NDUFS7: variants seen among roughly 807,000 people sequenced by gnomAD.
The protein encoded by NDUFS7 is NADH dehydrogenase [ubiquinone] iron-sulfur protein 7, mitochondrial.
In NDUFS7, 11 loss-of-function variants were observed where a neutral mutation model predicts 31.1. That is an observed-to-expected ratio of 0.35 (90% confidence interval 0.22 to 0.59). The LOEUF (loss-of-function observed/expected upper bound fraction) is 0.59, where lower values mean the gene tolerates loss of function less well. NDUFS7 is among the 20% of genes least tolerant of loss of function. The pLI is 0.79. For missense variants in NDUFS7, 263 were observed against 324.2 expected (o/e 0.81, Z 1.45); for synonymous variants, 136 against 127.9 (o/e 1.06, Z -0.43).
chr19:1,384,008 CGTGGTGGCGTCGGGGGTCG>C (rs893753407), intron 1 of NDUFS7, 66 bp downstream of exon 1: 2 of 1,508,656 alleles, frequency 1.3e-6, no homozygotes, highest in African/African-American at 1.4e-5. Context: ...CCTCGGGTGT[CGTGGTGGCGTCGGGGGTCG>C]GTGCCGGCGT....
Position 1,388,599 on chromosome 19 carries a change from G to A in NDUFS7, c.122+6G>A, listed in dbSNP as rs112045351. 4.0e-5 allele frequency: 65 copies of A among 1,611,750 alleles called. 2 individuals carry two copies. The African/African-American group carries it at 5.5e-4, about 14-fold the overall frequency. On this transcript the variant is annotated splice_donor_region_variant and intron_variant, in intron 3 of 7. Transcript: ENST00000233627. ...GCCACCGATGGCCCAAGCAGGTGAA[G>A]CTGGCCTTCTGGGGGAGGTCGTACC...
intron 1 of NDUFS7, among the ~76,000 whole-genome samples, chr19:1,387,529 C>T (rs544697051): frequency 4.6e-5 from 7 of 152,314 alleles, no homozygotes; most frequent in Admixed American, 1.3e-4. Flanking sequence ...GCAGCCAGTG[C>T]GGGGGCCCTG....
intron 2 of NDUFS7, 149 bp from the exon 3 acceptor site, chr19:1,388,376 A>C (rs1489144820): frequency 1.4e-6 from 1 of 739,970 alleles, no homozygotes; most frequent in Non-Finnish European, 2.3e-6. Flanking sequence ...GCATGGCTCC[A>C]GCGGCTCTGG....
intron 7 of NDUFS7, 56 bp from the exon 8 acceptor site, chr19:1,395,335 A>T: frequency 2.6e-6 from 4 of 1,563,228 alleles, no homozygotes; most frequent in Non-Finnish European, 3.5e-6. Context: ...TGCGCTGTGC[A>T]CGCGGTCACG....
chr19:1,394,594 TC>T, intron 7 of NDUFS7: 2 of 1,213,094 alleles, frequency 1.6e-6, no homozygotes, highest in Non-Finnish European at 2.1e-6. Flanking sequence ...CGCTCGGCCC[TC>T]CCTGGGGACC....
At position 1,392,564 on chromosome 19, in the gene NDUFS7, C is replaced by CT. The variant is rs200196905; in HGVS notation, c.456-677dup. The CT allele has an allele frequency of 9.5e-3, 1,464 of 154,468 alleles. 20 individuals carry two copies. Among genetic ancestry groups the CT allele is most frequent in the African/African-American group, 0.033 (1,374 of 41,584 alleles). 9.6% of individuals were successfully genotyped at this position (154,468 alleles called of 1,614,324 possible). On this transcript the variant is annotated intron_variant, in intron 6 of 7. Transcript: ENST00000233627. ...ACAGGATCACACGCCGCATGGCCTT[C>CT]TGTGTCCGGCGTCTCTCACTGAGCG...
chr19:1,393,507 C>T lies in NDUFS7; in HGVS notation c.544+177C>T, dbSNP rs1014980083. On this transcript the variant is annotated intron_variant, in intron 7 of 7. Coordinates refer to ENST00000233627, the MANE Select transcript of NDUFS7 (RefSeq NM_024407.5). This position sits in a 1 kb window ranked among gnomAD's most constrained non-coding sequence, Gnocchi z 7.3. The stretch of plus-strand genomic sequence containing the variant: ...GTGGAGCCTGTCCCCTGTGAGAAGT[C>T]GGCGATGTATTCAGGCATCAGAGGG... 3.2e-5 allele frequency: 22 copies of T among 693,236 alleles called. No individual in the cohort carries two copies. The highest frequency in any genetic ancestry group is 5.4e-5 in the East Asian group (2 of 37,002). The allele number at this position is 693,236 out of a possible 1,614,324, so 42.9% of individuals were successfully genotyped here. A position where few individuals can be genotyped will look rare whatever the true frequency, so the allele number is the denominator to read the frequency against.
intron 4 of NDUFS7, chr19:1,390,446 G>C (rs576842909): frequency 1.1e-5 from 3 of 283,474 alleles, no homozygotes; most frequent in South Asian, 3.7e-5. Flanking sequence ...GGGAGGGAGT[G>C]GCCAAGGAGA....
intron 1 of NDUFS7, chr19:1,387,004 G>C (rs553050466): frequency 6.6e-6 from 1 of 152,512 alleles, no homozygotes; most frequent in South Asian, 2.1e-4. Flanking sequence ...GCAAGGCCCT[G>C]CTCTGGCCTT....
intron 7 of NDUFS7, 55 bp from the exon 8 acceptor site, chr19:1,395,336 C>G: frequency 6.4e-7 from 1 of 1,563,602 alleles, no homozygotes; most frequent in South Asian, 1.2e-5. Flanking sequence ...GCGCTGTGCA[C>G]GCGGTCACGC....
Position 1,395,564 on chromosome 19 carries a change from A to C in NDUFS7, c.*76A>C. 1.3e-6 allele frequency: 2 copies of C among 1,503,360 alleles called. No homozygotes were observed. Among genetic ancestry groups the C allele is most frequent in the Non-Finnish European group, 1.8e-6 (2 of 1,107,212 alleles). The allele number at this position is 1,503,360 out of a possible 1,614,324, so 93.1% of individuals were successfully genotyped here. On this transcript the variant is annotated 3_prime_UTR_variant, in exon 8 of 8. Transcript: ENST00000233627. ...TTGTGTCCCGTGAGGTTGTCAATAA[A>C]CCTGCCCTCGGGCTGCCGCCTCCCA...
At chr19:1,384,386 G>T (rs2082494309) in intron 1 of NDUFS7, among the ~76,000 whole-genome samples, 3 of 152,216 alleles carry the variant, frequency 2.0e-5, no homozygotes, top group Admixed American at 2.0e-4. Flanking sequence ...ACGCCACCCT[G>T]CTGGACCCTC....
chr19:1,390,862 C>A lies in NDUFS7; in HGVS notation c.229-9C>A. On this transcript the variant is annotated splice_polypyrimidine_tract_variant and intron_variant, in intron 4 of 7. Transcript: ENST00000233627. Reference sequence around the variant, plus strand: ...GGGGTGGCGTCTGACCCGAGCCCGGCCTCCGCAGAGTTCTCTGTGGCCCAT... The same window carrying A: ...GGGGTGGCGTCTGACCCGAGCCCGGACTCCGCAGAGTTCTCTGTGGCCCAT... 6.2e-7 allele frequency: 1 copy of A among 1,606,324 alleles called. No homozygotes were observed. Among genetic ancestry groups the A allele is most frequent in the Non-Finnish European group, 8.5e-7 (1 of 1,179,408 alleles).
chr19:1,387,499 G>T (rs1446703439), intron 1 of NDUFS7, among the ~76,000 whole-genome samples: 2 of 152,230 alleles, frequency 1.3e-5, no homozygotes, highest in East Asian at 1.9e-4. Flanking sequence ...AGTGTGAGGC[G>T]GGGTGTCCCC....
In NDUFS7 at chr19:1,389,311, G is replaced by GCA. The variant is rs763386936; in HGVS notation, c.228+380_228+381dup. The GCA allele has an allele frequency of 9.9e-5, 47 of 477,150 alleles. 4 individuals are homozygous for GCA. Among genetic ancestry groups the GCA allele is most frequent in the African/African-American group, 5.6e-4 (26 of 46,712 alleles). 29.6% of individuals were successfully genotyped at this position (477,150 alleles called of 1,614,324 possible). On this transcript the variant is annotated intron_variant, in intron 4 of 7. Transcript: ENST00000233627. The stretch of plus-strand genomic sequence containing the variant: ...CACGTGCACATATATGCACAGTCAT[G>GCA]CACACACATGCACACTCACACACAT...
At position 1,384,325 on chromosome 19, in the gene NDUFS7, T is replaced by C. The variant is rs183378110; in HGVS notation, c.16+383T>C. Reference sequence around the variant, plus strand: ...CTGGGAAACTGAGGCCCATTGAGGGTCTTCGAGGTCACAGGGCCGGGCCTG... The same window carrying C: ...CTGGGAAACTGAGGCCCATTGAGGGCCTTCGAGGTCACAGGGCCGGGCCTG... On this transcript the variant is annotated intron_variant, in intron 1 of 7. Coordinates refer to ENST00000233627, the MANE Select transcript of NDUFS7 (RefSeq NM_024407.5). 5.8e-4 allele frequency among the ~76,000 whole-genome samples: 88 copies of C among 151,526 alleles called. No homozygotes were observed. In the East Asian group the frequency reaches 0.016, roughly 27 times the overall value.
chr19:1,391,205 G>C, intron 6 of NDUFS7, 40 bp downstream of exon 6: 20 of 1,602,784 alleles, frequency 1.2e-5, no homozygotes, highest in Non-Finnish European at 1.7e-5. Flanking sequence ...CAGACGTAGC[G>C]TGAGTGCTGG....
intron 4 of NDUFS7, chr19:1,389,931 G>C (rs1351755565): frequency 4.9e-6 from 1 of 204,978 alleles, no homozygotes; most frequent in Non-Finnish European, 1.0e-5. Flanking sequence ...TGAGACGGAG[G>C]CTCGCTCTGT....
chr19:1,391,151 G>A lies in NDUFS7; in HGVS notation c.441G>A (p.Val147=), dbSNP rs1267181410. 1 of 1,612,422 alleles carries A rather than the reference G, an allele frequency of 6.2e-7. No homozygotes were observed. Among genetic ancestry groups the A allele is most frequent in the South Asian group, 1.1e-5 (1 of 90,880 alleles). The change falls in exon 6 of 8, where the codon GTG becomes GTA. Residue 147 remains valine, a synonymous_variant. Transcript: ENST00000233627. ...ACCAGATGCCGGAGCCGCGCTACGT[G>A]GTCTCCATGGGGAGGTGAGTGCAGG... The part of the protein sequence containing the change: ...VYDQMPEPRY[V]VSMGSCANGG...
Sources: gnomAD v4.1 joint callset for allele counts (sites outside exome capture counted in the v4.1 genomes callset) on GRCh38, gnomAD v4.1.1 for gene constraint, Gnocchi (gnomAD v3.1) non-coding constraint, MANE v1.5 for transcripts, NCBI Gene and HGNC (gene_info 2026-07-23, HGNC 2026-07-21) for gene names.